The following TTC23L variants were observed in gnomAD, a reference collection of about 807,000 sequenced individuals.
The protein encoded by TTC23L is tetratricopeptide repeat protein 23-like.
In TTC23L, 42 loss-of-function variants were observed where a neutral mutation model predicts 48.1. That is an observed-to-expected ratio of 0.87 (90% CI 0.68 to 1.13). The LOEUF is 1.13. TTC23L is among the 50% of genes most tolerant of loss of function. The probability of loss-of-function intolerance (pLI) is 0.00; values close to 1 mark genes in which losing one functional copy is unlikely to be tolerated. For synonymous variants in TTC23L, 159 were observed against 157.2 expected (o/e 1.01, Z -0.09); for missense variants, 391 against 421.0 (o/e 0.93, Z 0.62).
chr5:34,911,677 C>T, the TTC23L span: 4 of 1,613,994 alleles, frequency 2.5e-6, no homozygotes, highest in African/African-American at 5.3e-5. Context: ...ATTGGTGCTG[C>T]AGAAATCAAA....
At chr5:34,893,165 C>T (rs1162209792) in intron 9 of TTC23L, among the ~76,000 whole-genome samples, 3 of 151,974 alleles carry the variant, frequency 2.0e-5, no homozygotes, top group Non-Finnish European at 4.4e-5. Flanking sequence ...ATTGACAGAC[C>T]GTGGGACCAG....
At chr5:34,908,027 G>C in the TTC23L span, 1 of 152,158 alleles carries the variant, frequency 6.6e-6, no homozygotes, top group South Asian at 2.1e-4. Flanking sequence ...GTTGGTGCGG[G>C]CACAACACTT....
At chr5:34,915,414 A>G in the TTC23L span, 1 of 264,846 alleles carries the variant, frequency 3.8e-6, no homozygotes, top group South Asian at 6.8e-5. Flanking sequence ...CGGAAACCCT[A>G]CCTTTGCGGT....
rs377651462 is a variant in TTC23L, at chr5:34,892,521, A to G, written c.1078-4249A>G. Among the ~76,000 whole-genome samples, 18 of 152,322 alleles carry G rather than the reference A, an allele frequency of 1.2e-4. No homozygotes were observed. In the South Asian group the frequency reaches 1.7e-3, roughly 14 times the overall value. ...CTAGAAATACTAGTATGTTTAAGAT[A>G]TAGTCCCTTACGTGAAAACAGACAT... On this transcript the variant is annotated intron_variant, in intron 9 of 10. Transcript: ENST00000505624.
chr5:34,844,422 C>A (rs1758940906), intron 2 of TTC23L, among the ~76,000 whole-genome samples: 1 of 129,868 alleles, frequency 7.7e-6, no homozygotes, highest in African/African-American at 3.0e-5. Context: ...GTGGCACAGA[C>A]CCAAAGAGTG....
At chr5:34,916,270 A>AG in the TTC23L span, 6 of 163,080 alleles carry the variant, frequency 3.7e-5, no homozygotes, top group Non-Finnish European at 8.0e-5. Context: ...GTATGCCCAT[A>AG]TACTGCCATA....
chr5:34,867,198 T>C (rs10053214), intron 7 of TTC23L, 129 bp downstream of exon 7: 202,760 of 968,112 alleles, frequency 0.21, 22,355 homozygotes, highest in African/African-American at 0.32. Flanking sequence ...ACCCTGACTT[T>C]CCTCCAGATC....
At chr5:34,888,120 C>T (rs148848012) in intron 9 of TTC23L, among the ~76,000 whole-genome samples, 180 of 152,276 alleles carry the variant, frequency 1.2e-3, no homozygotes, top group African/African-American at 4.2e-3. Context: ...CTCAAAGAGC[C>T]TCCTTGCCCC....
chr5:34,919,886 A>G, the TTC23L span: 1 of 1,136,142 alleles, frequency 8.8e-7, no homozygotes, highest in Non-Finnish European at 1.3e-6. Context: ...TTAACGAGGT[A>G]ATTTTGGAAA....
chr5:34,856,516 A>G (rs1760141684), intron 4 of TTC23L, among the ~76,000 whole-genome samples: 2 of 152,200 alleles, frequency 1.3e-5, no homozygotes, highest in African/African-American at 4.8e-5. Flanking sequence ...AAGGAAAGGC[A>G]TAAGCATGGA....
In TTC23L at chr5:34,867,176, G is replaced by C. The variant is rs941590192; in HGVS notation, c.840+107G>C. ...TCTCAGAAGAACAAGGGCTGGAATTGATTCTGTTTTAACCCTGACTTTCCT... is the reference window on the plus strand; with the variant it reads ...TCTCAGAAGAACAAGGGCTGGAATTCATTCTGTTTTAACCCTGACTTTCCT... On this transcript the variant is annotated intron_variant, in intron 7 of 10. Coordinates refer to ENST00000505624, the Ensembl canonical transcript of TTC23L. 5 of 1,207,550 alleles carry C rather than the reference G, an allele frequency of 4.1e-6. No homozygotes were observed. In the African/African-American group the frequency reaches 7.5e-5, roughly 18 times the overall value. The allele number at this position is 1,207,550 out of a possible 1,614,324, so 74.8% of individuals were successfully genotyped here. A position where few individuals can be genotyped will look rare whatever the true frequency, so the allele number is the denominator to read the frequency against.
At chr5:34,847,022 C>T (rs1759261781) in intron 3 of TTC23L, among the ~76,000 whole-genome samples, 1 of 152,110 alleles carries the variant, frequency 6.6e-6, no homozygotes, top group African/African-American at 2.4e-5. Flanking sequence ...CGTCGACTCT[C>T]ATTATTAGAA....
chr5:34,866,908 C>T, exon 7 of TTC23L: 2 of 1,602,234 alleles, frequency 1.2e-6, no homozygotes, highest in African/African-American at 1.3e-5. Context: ...CTTGGCCATC[C>T]ACAGACTGAA....
chr5:34,908,213 G>A, the TTC23L span: 1 of 105,488 alleles, frequency 9.5e-6, no homozygotes, highest in African/African-American at 3.8e-5. Context: ...TGCTCTTATT[G>A]CCTAGGCTGG....
downstream of TTC23L, among the ~76,000 whole-genome samples, chr5:34,902,896 A>G (rs545169273): frequency 6.6e-6 from 1 of 152,182 alleles, no homozygotes; most frequent in East Asian, 1.9e-4. Context: ...TGATTACAGT[A>G]GCATCAGAAG....
At chr5:34,911,563 G>A in the TTC23L span, 7 of 1,614,070 alleles carry the variant, frequency 4.3e-6, no homozygotes, top group Non-Finnish European at 5.9e-6. Context: ...CCTGAAATAA[G>A]GCTTGTCAGG....
rs1027794222 is a variant in TTC23L, at chr5:34,878,804, A to G, written c.950-1377A>G. ...TACGGAGATTTCTCAAATAACTAAA[A>G]ATAGAATGACCATTTGATCCAGGAA... is the stretch of plus-strand genomic sequence containing the variant. On this transcript the variant is annotated intron_variant, in intron 8 of 10. Transcript: ENST00000505624. Among the ~76,000 whole-genome samples the G allele has an allele frequency of 2.6e-5, 4 of 152,314 alleles. No individual in the cohort carries two copies. The East Asian group carries it at 7.7e-4, about 29-fold the overall frequency.
At chr5:34,880,429 C>A in intron 9 of TTC23L, 121 bp downstream of exon 9, 1 of 1,067,002 alleles carries the variant, frequency 9.4e-7, no homozygotes, top group Non-Finnish European at 1.3e-6. Flanking sequence ...TAGGCAAGAA[C>A]CACATTGTTT....
At chr5:34,914,077 A>C in the TTC23L span, 1 of 451,566 alleles carries the variant, frequency 2.2e-6, no homozygotes, top group Non-Finnish European at 4.5e-6. Context: ...CCCTGAGATC[A>C]TGCTGTGCAC....
Sources: gnomAD v4.1 joint callset for allele counts (sites outside exome capture counted in the v4.1 genomes callset) on GRCh38, gnomAD v4.1.1 for gene constraint, MANE v1.5 for transcripts, NCBI Gene and HGNC (gene_info 2026-07-23, HGNC 2026-07-21) for gene names.